RBFOX1: variants seen among roughly 807,000 people sequenced by gnomAD.
RBFOX1 encodes RNA binding protein fox-1 homolog 1.
In RBFOX1, 8 loss-of-function variants were observed where a neutral mutation model predicts 57.7. That is an observed-to-expected ratio of 0.14 (90% confidence interval 0.08 to 0.25). The LOEUF (loss-of-function observed/expected upper bound fraction) is 0.25. RBFOX1 is among the 10% of genes least tolerant of loss of function. RBFOX1 has a pLI of 1.00. For missense variants in RBFOX1, 611 were observed against 548.5 expected (o/e 1.11, Z -1.14); for synonymous variants, 326 against 222.4 (o/e 1.47, Z -4.15).
chr16:7,660,145 T>C (rs2067338992), intron 12 of RBFOX1, among the ~76,000 whole-genome samples: 1 of 151,018 alleles, frequency 6.6e-6, no homozygotes, highest in Admixed American at 6.6e-5. Flanking sequence ...CATTTTATAC[T>C]TTTTTTTTAA....
At chr16:7,391,605 T>G (rs1019704328) in intron 4 of RBFOX1, among the ~76,000 whole-genome samples, 1 of 152,200 alleles carries the variant, frequency 6.6e-6, no homozygotes, top group Non-Finnish European at 1.5e-5. Context: ...TTCAGTACCT[T>G]CATTTGTAGC....
At chr16:7,265,455 A>C (rs1376941643) in intron 4 of RBFOX1, among the ~76,000 whole-genome samples, 1 of 145,812 alleles carries the variant, frequency 6.9e-6, no homozygotes, top group Non-Finnish European at 1.5e-5. Context: ...TTGTTTATTT[A>C]TTTGTTTATT....
chr16:6,047,218 G>A lies in RBFOX1; in HGVS notation c.-127+27226G>A, dbSNP rs114186569. 3.9e-3 allele frequency among the ~76,000 whole-genome samples: 588 copies of A among 152,326 alleles called. 1 individual carries two copies. The highest frequency in any genetic ancestry group is 0.013 in the African/African-American group (553 of 41,570). On this transcript the variant is annotated intron_variant, in intron 1 of 15. Coordinates refer to ENST00000550418, the MANE Select transcript of RBFOX1 (RefSeq NM_018723.4). ...TAAACACATGATGATGTCAGTGTGTGTGTATGTGCGTGTGTTTCCTCCTGC... is the reference window on the plus strand; with the variant it reads ...TAAACACATGATGATGTCAGTGTGTATGTATGTGCGTGTGTTTCCTCCTGC...
intron 1 of RBFOX1, among the ~76,000 whole-genome samples, chr16:6,143,264 G>C (rs1201248266): frequency 6.6e-6 from 1 of 152,206 alleles, no homozygotes; most frequent in African/African-American, 2.4e-5. Context: ...ACAGAGTTGA[G>C]AGCTGAGTTT....
At chr16:6,914,017 C>G (rs1275579989) in intron 3 of RBFOX1, among the ~76,000 whole-genome samples, 1 of 152,142 alleles carries the variant, frequency 6.6e-6, no homozygotes, top group Non-Finnish European at 1.5e-5. Context: ...CTTGACGTAG[C>G]CAGAAACATT....
chr16:6,335,534 C>G (rs2083523895), intron 2 of RBFOX1, among the ~76,000 whole-genome samples: 1 of 151,920 alleles, frequency 6.6e-6, no homozygotes, highest in Non-Finnish European at 1.5e-5. Flanking sequence ...AATCCCAGCA[C>G]TTTGGGAGGC....
intron 4 of RBFOX1, among the ~76,000 whole-genome samples, chr16:7,449,282 A>G (rs1007893254): frequency 2.0e-5 from 3 of 152,144 alleles, no homozygotes; most frequent in Non-Finnish European, 2.9e-5. Context: ...CATTTTTAAA[A>G]TAATGTCTCA....
chr16:7,630,641 T>C lies in RBFOX1; in HGVS notation c.715T>C (p.Ser239Pro). The change falls in exon 11 of 16, where the codon TCC (serine) becomes CCC (proline). Residue 239 changes from serine (S) to proline (P), a missense_variant. Physicochemically the swap from Ser to Pro is moderately conservative, Grantham distance 74. This residue lies in a region of RBFOX1 where 267 missense variants were observed against 229.1 expected (regional missense o/e 1.17). Coordinates refer to ENST00000550418, the MANE Select transcript of RBFOX1 (RefSeq NM_018723.4). ...GTGCCAGGCCAACCAGGAGGGATCT[T>C]CCATGTACAGTGCCCCCAGTTCACT... ...LLCQANQEGS[S>P]MYSAPSSLVY... The C allele has an allele frequency of 6.2e-7, 1 of 1,614,218 alleles. No homozygotes were observed. Among genetic ancestry groups the C allele is most frequent in the Non-Finnish European group, 8.5e-7 (1 of 1,180,054 alleles).
chr16:5,583,600 C>T (rs777675866), intron 2 of RBFOX1, among the ~76,000 whole-genome samples: 15 of 152,144 alleles, frequency 9.9e-5, no homozygotes, highest in Non-Finnish European at 1.5e-4. Flanking sequence ...TTTCTTTGCT[C>T]GATTAAACTC....
At chr16:6,421,630 G>A (rs755720397) in intron 2 of RBFOX1, among the ~76,000 whole-genome samples, 20 of 152,252 alleles carry the variant, frequency 1.3e-4, no homozygotes, top group Admixed American at 7.2e-4. Flanking sequence ...GCCTCCTAGC[G>A]TCACCACGAA....
chr16:6,515,334 A>G (rs2153789338), intron 2 of RBFOX1, among the ~76,000 whole-genome samples: 1 of 152,328 alleles, frequency 6.6e-6, no homozygotes, highest in South Asian at 2.1e-4. Context: ...CACATTGCTT[A>G]TGCCAGTCTT....
intron 3 of RBFOX1, among the ~76,000 whole-genome samples, chr16:6,804,313 A>C (rs2086198639): frequency 6.6e-6 from 1 of 152,130 alleles, no homozygotes; most frequent in African/African-American, 2.4e-5. Context: ...CTGCCAATAC[A>C]TACAAATTTT....
chr16:5,287,116 G>T (rs749890832), intron 1 of RBFOX1, among the ~76,000 whole-genome samples: 3 of 152,140 alleles, frequency 2.0e-5, no homozygotes, highest in Non-Finnish European at 4.4e-5. Context: ...ACTAACTTGG[G>T]CAATATAGTG....
intron 3 of RBFOX1, among the ~76,000 whole-genome samples, chr16:6,766,585 A>G (rs1165721342): frequency 1.3e-5 from 2 of 151,826 alleles, no homozygotes; most frequent in Admixed American, 6.6e-5. Flanking sequence ...TGAGGTACCT[A>G]CTAGTCACAT....
At chr16:6,082,969 C>G (rs1437654427) in intron 1 of RBFOX1, among the ~76,000 whole-genome samples, 1 of 151,542 alleles carries the variant, frequency 6.6e-6, no homozygotes, top group Non-Finnish European at 1.5e-5. Context: ...ATGGGGAAGA[C>G]TGATCCATCA....
chr16:6,260,656 T>G (rs2152631578), intron 1 of RBFOX1, among the ~76,000 whole-genome samples: 1 of 152,134 alleles, frequency 6.6e-6, no homozygotes, highest in East Asian at 1.9e-4. Context: ...GGCAGGTGGA[T>G]CACTTGAGGT....
intron 1 of RBFOX1, among the ~76,000 whole-genome samples, chr16:5,408,861 A>G (rs1045693461): frequency 2.0e-5 from 3 of 152,222 alleles, no homozygotes; most frequent in African/African-American, 7.2e-5. Flanking sequence ...GTGAGAACTC[A>G]CAGTCACGAA....
chr16:6,513,462 G>A (rs1040881494), intron 2 of RBFOX1, among the ~76,000 whole-genome samples: 29 of 152,114 alleles, frequency 1.9e-4, no homozygotes, highest in Admixed American at 7.9e-4. Flanking sequence ...GGCCGGGCGC[G>A]GTGGCTCACG....
At chr16:6,156,604 C>G (rs971125128) in intron 1 of RBFOX1, among the ~76,000 whole-genome samples, 1 of 152,124 alleles carries the variant, frequency 6.6e-6, no homozygotes, top group East Asian at 1.9e-4. Flanking sequence ...AGGTGGCCAG[C>G]TTGGCCACCT....
Sources: gnomAD v4.1 joint callset for allele counts (sites outside exome capture counted in the v4.1 genomes callset) on GRCh38, gnomAD v4.1.1 for gene constraint, gnomAD v4.1.1 regional missense constraint, MANE v1.5 for transcripts, NCBI Gene and HGNC (gene_info 2026-07-23, HGNC 2026-07-21) for gene names.